Variants in ARHGAP44 observed in about 807,000 individuals in gnomAD.
The protein encoded by ARHGAP44 is rho GTPase-activating protein 44.
Under a neutral mutation model 106.8 loss-of-function variants are expected in ARHGAP44, and 43 were observed. That is an observed-to-expected ratio of 0.40 (90% CI 0.32 to 0.52). The LOEUF is 0.52. Among genes scored for constraint, ARHGAP44 ranks in the 20% least tolerant of loss-of-function variants. The pLI, the probability that ARHGAP44 is intolerant of heterozygous loss-of-function variation, is 0.48. For synonymous variants in ARHGAP44, 439 were observed against 410.3 expected, an observed-to-expected ratio of 1.07 and a Z score of -0.85; for missense variants, 866 against 1,050.5, an observed-to-expected ratio of 0.82 and a Z score of 2.43.
Position 12,949,685 on chromosome 17 carries a change from C to A in ARHGAP44, c.1010C>A (p.Pro337His). 6.2e-7 allele frequency: 1 copy of A among 1,613,816 alleles called. No homozygotes were observed. The highest frequency in any genetic ancestry group is 8.5e-7 in the Non-Finnish European group (1 of 1,179,866). ...TCTTACCTCCGAGAGTTGCCAGAACCTCTTATGACCTTTGAACTCTATGAT... is the reference window on the plus strand; with the variant it reads ...TCTTACCTCCGAGAGTTGCCAGAACATCTTATGACCTTTGAACTCTATGAT... ...LKSYLRELPEPLMTFELYDEW... is the reference protein window; with the variant it reads ...LKSYLRELPEHLMTFELYDEW... The change falls in exon 12 of 21, where the codon CCT becomes CAT. Residue 337 changes from proline (P) to histidine (H), a missense_variant. Pro to His is a moderately conservative substitution (Grantham distance 77). Coordinates refer to ENST00000379672, the MANE Select transcript of ARHGAP44 (RefSeq NM_014859.6). The surrounding 1 kb of genome is among the most constrained non-coding windows in gnomAD (Gnocchi z 4.1).
intron 7 of ARHGAP44, among the ~76,000 whole-genome samples, chr17:12,933,276 G>A (rs1323415676): frequency 6.6e-6 from 1 of 152,178 alleles, no homozygotes; most frequent in Non-Finnish European, 1.5e-5. Context: ...AACCAGCCAA[G>A]TGCCAGTTTG....
At chr17:12,959,320 G>A (rs985363050) in intron 16 of ARHGAP44, among the ~76,000 whole-genome samples, 1 of 152,142 alleles carries the variant, frequency 6.6e-6, no homozygotes, top group African/African-American at 2.4e-5. Flanking sequence ...TACCTTTAAT[G>A]TACAGTTTAA....
At chr17:12,868,462 A>G (rs1413785143) in intron 1 of ARHGAP44, among the ~76,000 whole-genome samples, 1 of 151,544 alleles carries the variant, frequency 6.6e-6, no homozygotes, top group Admixed American at 6.6e-5. Context: ...CACCATATCC[A>G]TTATATTACA....
intron 6 of ARHGAP44, among the ~76,000 whole-genome samples, chr17:12,928,680 A>G (rs1447152194): frequency 6.6e-6 from 1 of 152,190 alleles, no homozygotes; most frequent in African/African-American, 2.4e-5. Flanking sequence ...GAAAATAGTG[A>G]CAAACCAGGG....
chr17:12,980,026 C>T, intron 18 of ARHGAP44, 32 bp from the exon 19 acceptor site: 3 of 1,573,980 alleles, frequency 1.9e-6, no homozygotes, highest in Middle Eastern at 1.8e-4. Flanking sequence ...GAGTTCAGGG[C>T]TTTTCTTTTG....
chr17:12,812,460 G>A (rs1467485983), intron 1 of ARHGAP44, among the ~76,000 whole-genome samples: 3 of 152,190 alleles, frequency 2.0e-5, no homozygotes, highest in South Asian at 2.1e-4. Context: ...ATCTAGATGT[G>A]TATAGAATTT....
intron 1 of ARHGAP44, among the ~76,000 whole-genome samples, chr17:12,831,893 G>A (rs1259808488): frequency 3.3e-5 from 5 of 152,184 alleles, no homozygotes; most frequent in African/African-American, 7.2e-5. Context: ...GGATGAGACC[G>A]TGACCTGTTA....
intron 16 of ARHGAP44, among the ~76,000 whole-genome samples, chr17:12,963,046 CAAAA>C (rs71369355): frequency 1.1e-4 from 8 of 70,956 alleles, no homozygotes; most frequent in Non-Finnish European, 1.6e-4. Flanking sequence ...AACACCATCT[CAAAA>C]AAAAAAAAAA....
intron 1 of ARHGAP44, among the ~76,000 whole-genome samples, chr17:12,878,399 C>G (rs2036622346): frequency 6.6e-6 from 1 of 152,096 alleles, no homozygotes; most frequent in African/African-American, 2.4e-5. Flanking sequence ...ATTTCAAGAT[C>G]AGTTTGCCCA....
chr17:12,977,650 C>A (rs888611381), intron 18 of ARHGAP44, among the ~76,000 whole-genome samples: 1 of 152,140 alleles, frequency 6.6e-6, no homozygotes, highest in African/African-American at 2.4e-5. Flanking sequence ...CCCTAGTAGC[C>A]GCCCTACGCC....
At chr17:12,953,173 C>T (rs1479074604) in intron 13 of ARHGAP44, among the ~76,000 whole-genome samples, 4 of 152,050 alleles carry the variant, frequency 2.6e-5, no homozygotes, top group Admixed American at 6.6e-5. Flanking sequence ...GATGAGGGAG[C>T]GTGTTCTCCA....
At chr17:12,822,434 A>G (rs1240303657) in intron 1 of ARHGAP44, among the ~76,000 whole-genome samples, 1 of 152,114 alleles carries the variant, frequency 6.6e-6, no homozygotes, top group Non-Finnish European at 1.5e-5. Context: ...TTGGCTTGGG[A>G]GGAAGAGTGA....
intron 4 of ARHGAP44, among the ~76,000 whole-genome samples, chr17:12,910,781 A>C (rs1267653598): frequency 6.6e-6 from 1 of 152,096 alleles, no homozygotes; most frequent in Non-Finnish European, 1.5e-5. Context: ...GTGACAAGAC[A>C]AAAGAGAAGG....
chr17:12,825,420 G>A (rs1296664286), intron 1 of ARHGAP44, among the ~76,000 whole-genome samples: 2 of 151,168 alleles, frequency 1.3e-5, no homozygotes, highest in African/African-American at 2.4e-5. Context: ...GTGTGTTTGT[G>A]TGTGTGTGTG....
chr17:12,846,425 A>T (rs1478567278), intron 1 of ARHGAP44, among the ~76,000 whole-genome samples: 1 of 152,186 alleles, frequency 6.6e-6, no homozygotes, highest in Non-Finnish European at 1.5e-5. Context: ...CTTTTGAAAA[A>T]CATAGACACA....
At chr17:12,867,947 G>A (rs1265809984) in intron 1 of ARHGAP44, among the ~76,000 whole-genome samples, 2 of 152,142 alleles carry the variant, frequency 1.3e-5, no homozygotes, top group East Asian at 1.9e-4. Context: ...CCATGATTAC[G>A]TTATAATCAA....
At position 12,984,530 on chromosome 17, in the gene ARHGAP44, G is replaced by A; in HGVS notation, c.1940-1G>A. On this transcript the variant is annotated splice_acceptor_variant, in intron 19 of 20. Transcript: ENST00000379672. LOFTEE classifies it high-confidence loss of function. ...TTGTTGTGTTGTGTTTTCTCTTTCA[G>A]TTTCAAAGAAGCTGGCACCGATTCC... is the stretch of plus-strand genomic sequence containing the variant. 3 of 1,514,924 alleles carry A rather than the reference G, an allele frequency of 2.0e-6. No individual in the cohort carries two copies. The highest frequency in any genetic ancestry group is 2.6e-6 in the Non-Finnish European group (3 of 1,136,208). The allele number at this position is 1,514,924 out of a possible 1,614,324, so 93.8% of individuals were successfully genotyped here. A position where few individuals can be genotyped will look rare whatever the true frequency, so the allele number is the denominator to read the frequency against.
intron 7 of ARHGAP44, among the ~76,000 whole-genome samples, chr17:12,937,361 T>C (rs1429632941): frequency 6.6e-6 from 1 of 152,226 alleles, no homozygotes; most frequent in Non-Finnish European, 1.5e-5. Context: ...TGAAATTTCC[T>C]GTGAGAACCT....
chr17:12,933,547 C>T (rs1486425563), intron 7 of ARHGAP44, among the ~76,000 whole-genome samples: 1 of 152,208 alleles, frequency 6.6e-6, no homozygotes, highest in African/African-American at 2.4e-5. Context: ...ACAAGTGGTA[C>T]TTGCTTTCTC....
Sources: allele counts gnomAD v4.1 joint callset (sites outside exome capture counted in the v4.1 genomes callset), GRCh38; gene constraint gnomAD v4.1.1; non-coding constraint Gnocchi (gnomAD v3.1); transcripts MANE v1.5; gene names NCBI Gene and HGNC (gene_info 2026-07-23, HGNC 2026-07-21).